ANKRD17: variants seen among roughly 807,000 people sequenced by gnomAD.
ANKRD17 encodes the protein ankyrin repeat domain 17.
A neutral mutation model predicts 229.7 loss-of-function variants in ANKRD17; 19 were observed. The observed-to-expected ratio is 0.08, with a 90% CI of 0.06 to 0.12. ANKRD17 has a LOEUF of 0.12. Ranked by LOEUF, ANKRD17 falls within the 10% of genes least tolerant of loss-of-function variation. The probability of loss-of-function intolerance (pLI) is 1.00; values close to 1 mark genes in which losing one functional copy is unlikely to be tolerated. For missense variants in ANKRD17, 2,176 were observed against 3,176.8 expected (o/e 0.68, Z 7.57); for synonymous variants, 1,112 against 1,146.1 (o/e 0.97, Z 0.60).
At chr4:73,177,591 A>AG (rs897300633) in intron 1 of ANKRD17, 58 bp from the exon 2 acceptor site, 24 of 1,348,090 alleles carry the variant, frequency 1.8e-5, no homozygotes, top group Non-Finnish European at 2.5e-5. Context: ...AAAGGAAAAG[A>AG]GGGGAGAGAA....
rs909873250 is a variant in ANKRD17, at chr4:73,142,309, T to C, written c.2162A>G (p.Asn721Ser). ...SVVCYLLDYPNNLLSAPPPDV... is the reference protein window; with the variant it reads ...SVVCYLLDYPSNLLSAPPPDV... ...TGGTGGAGGGGCTGAAAGCAAGTTA[T>C]TAGGATAATCCAAGAGATAGCAAAC... The change falls in exon 13 of 34, where the codon AAT becomes AGT. Residue 721 changes from asparagine to serine, a missense_variant. Physicochemically the swap from Asn to Ser is conservative, Grantham distance 46 (BLOSUM62 1). This residue lies in a region of ANKRD17 where 275 missense variants were observed against 386.9 expected (regional missense o/e 0.71). Coordinates refer to ENST00000358602, the MANE Select transcript of ANKRD17 (RefSeq NM_032217.5). 2 of 1,569,960 alleles carry C rather than the reference T, an allele frequency of 1.3e-6. No homozygotes were observed. Among genetic ancestry groups the C allele is most frequent in the African/African-American group, 1.4e-5 (1 of 71,924 alleles).
At chr4:73,194,755 C>T (rs994491089) in intron 1 of ANKRD17, among the ~76,000 whole-genome samples, 1 of 152,106 alleles carries the variant, frequency 6.6e-6, no homozygotes. Flanking sequence ...CTTTAACCTA[C>T]TCCTTCCACC....
At chr4:73,218,969 G>A (rs1176552569) in intron 1 of ANKRD17, among the ~76,000 whole-genome samples, 1 of 152,128 alleles carries the variant, frequency 6.6e-6, no homozygotes, top group Non-Finnish European at 1.5e-5. Flanking sequence ...GCTGAGGCAG[G>A]AGAATCACTT....
Position 73,091,314 on chromosome 4 carries a change from T to G in ANKRD17, c.6314A>C (p.His2105Pro). The change falls in exon 29 of 34, where the codon CAT (histidine) becomes CCT (proline). Residue 2105 changes from histidine (H) to proline (P), a missense_variant. By Grantham distance (77) the His-to-Pro change is moderately conservative. Coordinates refer to ENST00000358602, the MANE Select transcript of ANKRD17 (RefSeq NM_032217.5). ...TCCCGGAGGTTGTTGCTGATTAGAATGAGCTGATGAACTCCCAGAAGAACT... is the reference window on the plus strand; with the variant it reads ...TCCCGGAGGTTGTTGCTGATTAGAAGGAGCTGATGAACTCCCAGAAGAACT... ...SSSSSGSSSA[H>P]SNQQQPPGSV... The G allele has an allele frequency of 6.2e-7, 1 of 1,614,196 alleles. No individual in the cohort carries two copies. The highest frequency in any genetic ancestry group is 8.5e-7 in the Non-Finnish European group (1 of 1,180,038).
intron 1 of ANKRD17, among the ~76,000 whole-genome samples, chr4:73,214,603 T>C (rs768782686): frequency 1.3e-5 from 2 of 151,920 alleles, no homozygotes; most frequent in African/African-American, 2.4e-5. Flanking sequence ...TTAGTAGTTA[T>C]CATATTCTTC....
rs1224439435 is a variant in ANKRD17, at chr4:73,227,854, A to G, written c.393+30422T>C. On this transcript the variant is annotated intron_variant, in intron 1 of 33. Transcript: ENST00000358602. ...TGACAAGCAAGCAACTCTGTTTTGCATGACTTAACACTTTGTTGTTTGTTC... is the reference window on the plus strand; with the variant it reads ...TGACAAGCAAGCAACTCTGTTTTGCGTGACTTAACACTTTGTTGTTTGTTC... Among the ~76,000 whole-genome samples the G allele has an allele frequency of 2.0e-5, 3 of 152,186 alleles. No individual in the cohort carries two copies. In the East Asian group the frequency reaches 5.8e-4, roughly 29 times the overall value.
chr4:73,149,983 T>C (rs1370035181), intron 7 of ANKRD17, among the ~76,000 whole-genome samples: 2 of 152,204 alleles, frequency 1.3e-5, no homozygotes, highest in African/African-American at 4.8e-5. Context: ...TGTCCTTCAG[T>C]AATTTTTTTC....
chr4:73,120,647 GTCTC>G (rs769947410), intron 20 of ANKRD17, among the ~76,000 whole-genome samples: 1 of 151,160 alleles, frequency 6.6e-6, no homozygotes. Flanking sequence ...TTTCAAAATA[GTCTC>G]TCTTTTTCAG....
At chr4:73,142,797 T>A in intron 11 of ANKRD17, 30 bp from the exon 12 acceptor site, 3 of 1,583,102 alleles carry the variant, frequency 1.9e-6, no homozygotes, top group Non-Finnish European at 2.6e-6. Context: ...GAAAATCATA[T>A]TAGTAGAATG....
At chr4:73,106,184 C>T (rs560025285) in intron 24 of ANKRD17, among the ~76,000 whole-genome samples, 9 of 152,106 alleles carry the variant, frequency 5.9e-5, no homozygotes, top group South Asian at 2.1e-4. Context: ...ACGGAGCTTG[C>T]AGTGAGCCGA....
chr4:73,194,114 T>C (rs764886758), intron 1 of ANKRD17, among the ~76,000 whole-genome samples: 2 of 152,228 alleles, frequency 1.3e-5, no homozygotes, highest in African/African-American at 4.8e-5. Flanking sequence ...GTTTTTAATT[T>C]CAATGAAATC....
chr4:73,143,857 C>T (rs546555202), intron 11 of ANKRD17, among the ~76,000 whole-genome samples: 1 of 152,258 alleles, frequency 6.6e-6, no homozygotes, highest in African/African-American at 2.4e-5. Context: ...TCTCCTACCT[C>T]AGCCTCCCAA....
chr4:73,102,573 T>C (rs756493641), intron 24 of ANKRD17, 26 bp from the exon 25 acceptor site: 43 of 1,579,824 alleles, frequency 2.7e-5, no homozygotes, highest in Non-Finnish European at 3.6e-5. Context: ...AAAGCAGAAA[T>C]ATAACGTTGA....
chr4:73,101,316 C>T, intron 25 of ANKRD17: 1 of 692,124 alleles, frequency 1.4e-6, no homozygotes, highest in Non-Finnish European at 1.8e-6. Flanking sequence ...TTTATAATAC[C>T]TAAAATGGTA....
At chr4:73,244,817 T>C (rs565853180) in intron 1 of ANKRD17, among the ~76,000 whole-genome samples, 1 of 152,316 alleles carries the variant, frequency 6.6e-6, no homozygotes, top group South Asian at 2.1e-4. Context: ...GCTGGAGATC[T>C]AATGATCTGT....
At chr4:73,120,417 GA>G in intron 20 of ANKRD17, 80 bp from the exon 21 acceptor site, 1 of 1,314,296 alleles carries the variant, frequency 7.6e-7, no homozygotes, top group Non-Finnish European at 1.1e-6. Flanking sequence ...ACAACTTGAA[GA>G]AGGAATATGA....
intron 1 of ANKRD17, among the ~76,000 whole-genome samples, chr4:73,242,982 G>C (rs1003755982): frequency 6.6e-6 from 1 of 152,166 alleles, no homozygotes; most frequent in Admixed American, 6.5e-5. Context: ...GTGGTGTAAG[G>C]GGAGAAAGTT....
intron 1 of ANKRD17, among the ~76,000 whole-genome samples, chr4:73,203,927 G>T (rs750193266): frequency 2.6e-5 from 4 of 151,772 alleles, no homozygotes; most frequent in Non-Finnish European, 5.9e-5. Flanking sequence ...CAACAACAAT[G>T]AAAAAACTCT....
At chr4:73,211,025 T>C (rs1189090047) in intron 1 of ANKRD17, among the ~76,000 whole-genome samples, 1 of 152,110 alleles carries the variant, frequency 6.6e-6, no homozygotes, top group Non-Finnish European at 1.5e-5. Flanking sequence ...CTACTTCAAA[T>C]CATTTTGGGG....
Sources: allele counts gnomAD v4.1 joint callset (sites outside exome capture counted in the v4.1 genomes callset), GRCh38; gene constraint gnomAD v4.1.1; regional missense constraint gnomAD v4.1.1; transcripts MANE v1.5; gene names NCBI Gene and HGNC (gene_info 2026-07-23, HGNC 2026-07-21).